The following NSMCE2 variants were observed in gnomAD, a reference collection of about 807,000 sequenced individuals.
NSMCE2 encodes the protein NSE2 SUMO ligase component of SMC5/6 complex, also known as E3 SUMO-protein ligase NSE2.
Under a neutral mutation model 23.8 loss-of-function variants are expected in NSMCE2, and 24 were observed. The ratio of observed to expected loss-of-function variants is 1.01; its 90% CI spans 0.73 to 1.42. The LOEUF (loss-of-function observed/expected upper bound fraction) is 1.42, where lower values mean the gene tolerates loss of function less well. NSMCE2 is among the 40% of genes most tolerant of loss of function. The pLI is 0.00. For missense variants in NSMCE2, 284 were observed against 296.5 expected, an observed-to-expected ratio of 0.96 and a Z score of 0.31; for synonymous variants, 92 against 94.1, an observed-to-expected ratio of 0.98 and a Z score of 0.13.
chr8:125,357,696 A>T lies in NSMCE2; in HGVS notation c.520-16A>T. The T allele has an allele frequency of 6.3e-7, 1 of 1,579,200 alleles. No individual in the cohort carries two copies. The highest frequency in any genetic ancestry group is 8.7e-7 in the Non-Finnish European group (1 of 1,148,100). The stretch of plus-strand genomic sequence containing the variant: ...TCATTATCATTCCTGAAAGCCCAAC[A>T]TCTCCTTGATTACAGGAGGAAATGA... On this transcript the variant is annotated splice_polypyrimidine_tract_variant and intron_variant, in intron 6 of 7. Coordinates refer to ENST00000287437, the MANE Select transcript of NSMCE2 (RefSeq NM_173685.4).
At chr8:125,168,915 A>G (rs917634477) in intron 4 of NSMCE2, among the ~76,000 whole-genome samples, 1 of 152,214 alleles carries the variant, frequency 6.6e-6, no homozygotes, top group African/African-American at 2.4e-5. Flanking sequence ...CTTTATACAC[A>G]TTACCATGTA....
intron 5 of NSMCE2, among the ~76,000 whole-genome samples, chr8:125,185,073 A>G (rs956476914): frequency 9.2e-5 from 14 of 152,192 alleles, no homozygotes; most frequent in African/African-American, 2.7e-4. Context: ...GAACATAAAT[A>G]CATGGGATTA....
In NSMCE2 at chr8:125,361,109, T is replaced by C. The variant is rs564126327; in HGVS notation, c.626+3291T>C. On this transcript the variant is annotated intron_variant, in intron 7 of 7. Coordinates refer to ENST00000287437, the MANE Select transcript of NSMCE2 (RefSeq NM_173685.4). ...TTCTTTTTTCTTTTCCTTTTTTTTTTGAGACAGAGTCTCACTCTGTCTCCC... is the reference window on the plus strand; with the variant it reads ...TTCTTTTTTCTTTTCCTTTTTTTTTCGAGACAGAGTCTCACTCTGTCTCCC... Among the ~76,000 whole-genome samples the C allele has an allele frequency of 5.1e-4, 77 of 151,932 alleles. 1 individual carries two copies. Among genetic ancestry groups the C allele is most frequent in the African/African-American group, 1.8e-3 (76 of 41,422 alleles).
intron 5 of NSMCE2, among the ~76,000 whole-genome samples, chr8:125,186,807 A>G (rs1022423532): frequency 6.6e-6 from 1 of 152,164 alleles, no homozygotes; most frequent in Non-Finnish European, 1.5e-5. Context: ...GATGTCTAGT[A>G]TTTACCATCC....
chr8:125,231,924 A>C (rs1015851365), intron 5 of NSMCE2, among the ~76,000 whole-genome samples: 2 of 152,208 alleles, frequency 1.3e-5, no homozygotes, highest in African/African-American at 4.8e-5. Flanking sequence ...TATTCAGTAT[A>C]TGCTGGCATA....
intron 5 of NSMCE2, among the ~76,000 whole-genome samples, chr8:125,289,654 T>C (rs1828033964): frequency 1.3e-5 from 2 of 152,214 alleles, no homozygotes; most frequent in Admixed American, 1.3e-4. Context: ...GTTTGATGAA[T>C]AATGAAGGAA....
chr8:125,194,198 G>A (rs992293086), intron 5 of NSMCE2, among the ~76,000 whole-genome samples: 2 of 152,086 alleles, frequency 1.3e-5, no homozygotes, highest in African/African-American at 4.8e-5. Flanking sequence ...GTCCTGCACA[G>A]TTCTATCAAT....
chr8:125,096,995 C>G (rs1336001448), intron 1 of NSMCE2, among the ~76,000 whole-genome samples: 2 of 151,984 alleles, frequency 1.3e-5, no homozygotes, highest in Non-Finnish European at 2.9e-5. Flanking sequence ...TTTTTTGATC[C>G]TGGTTTTTCT....
intron 7 of NSMCE2, 60 bp downstream of exon 7, chr8:125,357,878 G>C: frequency 8.5e-7 from 1 of 1,170,620 alleles, no homozygotes. Flanking sequence ...CAGAGGTGGC[G>C]TGTTCACGCT....
chr8:125,315,157 C>G (rs891710164), intron 5 of NSMCE2, among the ~76,000 whole-genome samples: 10 of 151,368 alleles, frequency 6.6e-5, no homozygotes, highest in Admixed American at 4.6e-4. Flanking sequence ...GTGTTAGGAA[C>G]AGAGAGAGGA....
At chr8:125,223,618 C>G (rs935443669) in intron 5 of NSMCE2, among the ~76,000 whole-genome samples, 1 of 152,152 alleles carries the variant, frequency 6.6e-6, no homozygotes, top group Non-Finnish European at 1.5e-5. Flanking sequence ...TGCCTTTTCT[C>G]CACATCCAAA....
chr8:125,356,279 T>C (rs1813271355), intron 5 of NSMCE2, among the ~76,000 whole-genome samples: 1 of 152,056 alleles, frequency 6.6e-6, no homozygotes, highest in Non-Finnish European at 1.5e-5. Flanking sequence ...TTTAAAATGT[T>C]TATGGTAACA....
intron 5 of NSMCE2, among the ~76,000 whole-genome samples, chr8:125,232,903 A>G (rs1825388354): frequency 6.6e-6 from 1 of 152,258 alleles, no homozygotes; most frequent in Non-Finnish European, 1.5e-5. Flanking sequence ...TCTGACAGGA[A>G]CTAGCAGGTA....
At chr8:125,122,165 G>C (rs986765920) in intron 3 of NSMCE2, among the ~76,000 whole-genome samples, 4 of 123,406 alleles carry the variant, frequency 3.2e-5, no homozygotes, top group Non-Finnish European at 3.2e-5. Context: ...AGGTTCTCTG[G>C]CTGAGCCAAA....
intron 5 of NSMCE2, among the ~76,000 whole-genome samples, chr8:125,344,459 C>CCATTGTTTA (rs1830362550): frequency 6.6e-6 from 1 of 152,102 alleles, no homozygotes; most frequent in Non-Finnish European, 1.5e-5. Flanking sequence ...TAAGATGAAT[C>CCATTGTTTA]ATGGCCGGTC....
At chr8:125,208,431 T>C (rs1346332123) in intron 5 of NSMCE2, among the ~76,000 whole-genome samples, 4 of 152,236 alleles carry the variant, frequency 2.6e-5, no homozygotes, top group Non-Finnish European at 5.9e-5. Flanking sequence ...AAGAAGTTTA[T>C]ATGCTTATAG....
chr8:125,193,451 G>GA (rs1320890434), intron 5 of NSMCE2, among the ~76,000 whole-genome samples: 3 of 152,288 alleles, frequency 2.0e-5, no homozygotes, highest in Admixed American at 1.3e-4. Flanking sequence ...ATAAACATAT[G>GA]AAAAATATTT....
intron 5 of NSMCE2, among the ~76,000 whole-genome samples, chr8:125,328,754 A>G (rs565951774): frequency 1.8e-4 from 28 of 152,178 alleles, no homozygotes; most frequent in Non-Finnish European, 3.2e-4. Flanking sequence ...CATCCCTGTC[A>G]TCTGGGTCTC....
At chr8:125,103,668 C>T (rs894806736) in intron 3 of NSMCE2, among the ~76,000 whole-genome samples, 2 of 152,084 alleles carry the variant, frequency 1.3e-5, no homozygotes, top group African/African-American at 4.8e-5. Context: ...TAGATTTTTT[C>T]CAGTCTTTTT....
Sources: allele counts gnomAD v4.1 joint callset (sites outside exome capture counted in the v4.1 genomes callset), GRCh38; gene constraint gnomAD v4.1.1; transcripts MANE v1.5; gene names NCBI Gene and HGNC (gene_info 2026-07-23, HGNC 2026-07-21).